The following IQSEC3 variants were observed in gnomAD, a reference collection of about 807,000 sequenced individuals.
IQSEC3 encodes the protein IQ motif and SEC7 domain-containing protein 3.
In IQSEC3, 50 loss-of-function variants were observed where a neutral mutation model predicts 105.4. That is an observed-to-expected ratio of 0.47 (90% confidence interval 0.38 to 0.60). The LOEUF is 0.60. Ranked by LOEUF, IQSEC3 falls within the 20% of genes least tolerant of loss-of-function variation. The pLI is 0.00. For missense variants in IQSEC3, 1,415 were observed against 1,630.0 expected, an observed-to-expected ratio of 0.87 and a Z score of 2.27; for synonymous variants, 708 against 746.0, an observed-to-expected ratio of 0.95 and a Z score of 0.83.
At chr12:131,002 CCCCCAG>C (rs1865573351) in intron 3 of IQSEC3, among the ~76,000 whole-genome samples, 1 of 49,682 alleles carries the variant, frequency 2.0e-5, no homozygotes, top group Non-Finnish European at 4.2e-5. Flanking sequence ...AGCACTGTGC[CCCCCAG>C]CTAGCGGCTC....
At chr12:137,418 T>TAGGGGAGG (rs1865810367) in intron 3 of IQSEC3, 3 of 152,134 alleles carry the variant, frequency 2.0e-5, no homozygotes, top group African/African-American at 7.2e-5. Context: ...TTTCATTGTT[T>TAGGGGAGG]ATTGTTTTAA....
At chr12:87,197 G>A (rs1863944467) in intron 1 of IQSEC3, among the ~76,000 whole-genome samples, 1 of 152,082 alleles carries the variant, frequency 6.6e-6, no homozygotes, top group African/African-American at 2.4e-5. Flanking sequence ...GGAGGATGGA[G>A]GTTCATTATC....
At chr12:100,952 T>G (rs1555076003) in intron 2 of IQSEC3, among the ~76,000 whole-genome samples, 2 of 152,150 alleles carry the variant, frequency 1.3e-5, no homozygotes, top group African/African-American at 4.8e-5. Flanking sequence ...GGCCCGAGTC[T>G]TCTTCCTAGA....
chr12:129,041 C>T (rs782560304), intron 3 of IQSEC3, among the ~76,000 whole-genome samples: 37 of 152,222 alleles, frequency 2.4e-4, no homozygotes, highest in Middle Eastern at 3.2e-3. Context: ...CACCTGTCCC[C>T]GACCCCATCT....
chr12:125,565 G>T, intron 2 of IQSEC3, 68 bp from the exon 3 acceptor site: 3 of 1,400,686 alleles, frequency 2.1e-6, no homozygotes, highest in Non-Finnish European at 2.8e-6. Flanking sequence ...TTCTCTCCCC[G>T]ACCCCCACAT....
intron 1 of IQSEC3, among the ~76,000 whole-genome samples, chr12:80,692 A>G (rs944762730): frequency 6.6e-6 from 1 of 152,198 alleles, no homozygotes; most frequent in Non-Finnish European, 1.5e-5. Flanking sequence ...CTTACAGACA[A>G]ACAAGATCAC....
chr12:141,105 T>G lies in IQSEC3; in HGVS notation c.1992-19T>G. On this transcript the variant is annotated intron_variant, in intron 4 of 13. Coordinates refer to ENST00000538872, the MANE Select transcript of IQSEC3 (RefSeq NM_001170738.2). ...GCTTCAGCTCACTCTCTACTGCTTC[T>G]CCCCACCCCCACCTCCAGAAACCCC... The G allele has an allele frequency of 6.3e-7, 1 of 1,577,976 alleles. No individual in the cohort carries two copies. The highest frequency in any genetic ancestry group is 8.7e-7 in the Non-Finnish European group (1 of 1,151,340).
At chr12:79,203 G>A (rs1863662112) in intron 1 of IQSEC3, among the ~76,000 whole-genome samples, 1 of 144,832 alleles carries the variant, frequency 6.9e-6, no homozygotes, top group African/African-American at 2.6e-5. Context: ...GGCCAGACCA[G>A]CTTTGGGCAC....
intron 1 of IQSEC3, among the ~76,000 whole-genome samples, chr12:75,514 A>C (rs1321586622): frequency 6.6e-6 from 1 of 152,120 alleles, no homozygotes; most frequent in Non-Finnish European, 1.5e-5. Flanking sequence ...ATGATGTGTG[A>C]TAAGCTTGTT....
chr12:166,106 C>T (rs1445864490), intron 11 of IQSEC3: 18 of 563,290 alleles, frequency 3.2e-5, no homozygotes, highest in African/African-American at 2.1e-4. Flanking sequence ...AGTGCACACA[C>T]GTGTGTACAC....
At chr12:91,174 TCTC>T (rs1320915141) in intron 1 of IQSEC3, among the ~76,000 whole-genome samples, 1 of 152,136 alleles carries the variant, frequency 6.6e-6, no homozygotes, top group African/African-American at 2.4e-5. Flanking sequence ...CCTCCTTTAT[TCTC>T]CTGCTGGGAG....
rs1165923606 is a variant in IQSEC3 at position 176,015 on chromosome 12, TCCTG to T, written c.*984_*987del. The T allele has an allele frequency of 3.4e-5, 5 of 149,064 alleles. No homozygotes were observed. Among genetic ancestry groups the T allele is most frequent in the African/African-American group, 1.3e-4 (5 of 38,480 alleles). The allele number at this position is 149,064 out of a possible 1,614,324, so 9.2% of individuals were successfully genotyped here. A position where few individuals can be genotyped will look rare whatever the true frequency, so the allele number is the denominator to read the frequency against. On this transcript the variant is annotated 3_prime_UTR_variant, in exon 14 of 14. Transcript: ENST00000538872. This position sits in a 1 kb window ranked among gnomAD's most constrained non-coding sequence, Gnocchi z 4.0. ...AGGCTCGGCCCGAGGCAGGGCTCCC[TCCTG>T]CATGAGTCTGTGGCCTCCAGGAGGG...
intron 3 of IQSEC3, among the ~76,000 whole-genome samples, chr12:134,411 G>A (rs868920460): frequency 1.3e-5 from 2 of 152,232 alleles, no homozygotes; most frequent in East Asian, 1.9e-4. Context: ...CTAGGGTTAT[G>A]TCAGCTGGTC....
At position 174,738 on chromosome 12, in the gene IQSEC3, C is replaced by T. The variant is rs374690164; in HGVS notation, c.3254C>T (p.Thr1085Met). ...CCACCACTGCCGCCGCCGCCACCCA[C>T]GCCCCCGGGCACCCTGGTGCAGTGC... Reference protein sequence around the residue: ...QTPPLPPPPPTPPGTLVQCQQ... With the variant: ...QTPPLPPPPPMPPGTLVQCQQ... The change falls in exon 14 of 14, where the codon ACG (threonine) becomes ATG (methionine). Residue 1085 changes from threonine (T) to methionine (M), a missense_variant. Coordinates refer to ENST00000538872, the MANE Select transcript of IQSEC3 (RefSeq NM_001170738.2). 15 of 1,592,600 alleles carry T rather than the reference C, an allele frequency of 9.4e-6. No homozygotes were observed. The highest frequency in any genetic ancestry group is 2.2e-5 in the East Asian group (1 of 44,790).
intron 13 of IQSEC3, 155 bp downstream of exon 13, chr12:171,316 T>G (rs782577283): frequency 1.2e-6 from 2 of 1,613,698 alleles, no homozygotes; most frequent in African/African-American, 2.7e-5. Context: ...TAAAAGTTAC[T>G]GCTAGCATGG....
intron 2 of IQSEC3, among the ~76,000 whole-genome samples, chr12:106,005 A>G (rs1185459042): frequency 6.6e-6 from 1 of 152,202 alleles, no homozygotes; most frequent in African/African-American, 2.4e-5. Context: ...TGATTGGAGG[A>G]GAAGTCCTGC....
intron 3 of IQSEC3, among the ~76,000 whole-genome samples, chr12:135,428 C>T (rs1305213347): frequency 6.6e-6 from 1 of 152,128 alleles, no homozygotes; most frequent in Non-Finnish European, 1.5e-5. Flanking sequence ...GAGGTCATAC[C>T]TAGTAAAGAT....
At chr12:126,427 G>T (rs10849595) in intron 3 of IQSEC3, among the ~76,000 whole-genome samples, 86,894 of 152,050 alleles carry the variant, frequency 0.57, 25,495 homozygotes, top group East Asian at 0.76. Context: ...TCCATGGAGG[G>T]GCCTGGGCCT....
At chr12:87,383 G>A (rs533264009) in intron 1 of IQSEC3, among the ~76,000 whole-genome samples, 2 of 152,290 alleles carry the variant, frequency 1.3e-5, no homozygotes, top group South Asian at 4.1e-4. Context: ...AGTCATGGGA[G>A]GGGAGTGTTT....
Sources: gnomAD v4.1 joint callset for allele counts (sites outside exome capture counted in the v4.1 genomes callset) on GRCh38, gnomAD v4.1.1 for gene constraint, Gnocchi (gnomAD v3.1) non-coding constraint, MANE v1.5 for transcripts, NCBI Gene and HGNC (gene_info 2026-07-23, HGNC 2026-07-21) for gene names.